The following PPP2R2B variants were observed in gnomAD, a reference collection of about 807,000 sequenced individuals.
The protein encoded by PPP2R2B is protein phosphatase 2 regulatory subunit Bbeta.
In PPP2R2B, 5 loss-of-function variants were observed where a neutral mutation model predicts 46.0. The observed-to-expected ratio is 0.11, with a 90% CI of 0.06 to 0.23. The LOEUF (loss-of-function observed/expected upper bound fraction) is 0.23, where lower values mean the gene tolerates loss of function less well. Among genes scored for constraint, PPP2R2B ranks in the 10% least tolerant of loss-of-function variants. The pLI is 1.00. For synonymous variants in PPP2R2B, 215 were observed against 206.7 expected (o/e 1.04, Z -0.34); for missense variants, 367 against 575.0 (o/e 0.64, Z 3.70).
intron 2 of PPP2R2B, among the ~76,000 whole-genome samples, chr5:147,065,975 C>T (rs1016679504): frequency 6.6e-5 from 10 of 152,086 alleles, no homozygotes; most frequent in African/African-American, 2.4e-4. Context: ...CTCAGAATAA[C>T]CTGATCAAGG....
At chr5:146,940,416 T>G (rs1384403088) in intron 1 of PPP2R2B, among the ~76,000 whole-genome samples, 1 of 152,042 alleles carries the variant, frequency 6.6e-6, no homozygotes, top group Non-Finnish European at 1.5e-5. Context: ...TTTGCTTTCA[T>G]TTTGGATTGT....
chr5:146,962,772 G>A (rs1005526236), intron 1 of PPP2R2B, among the ~76,000 whole-genome samples: 11 of 152,086 alleles, frequency 7.2e-5, no homozygotes, highest in East Asian at 5.8e-4. Context: ...CCTCAAGTTC[G>A]CTGCGGAACT....
intron 1 of PPP2R2B, among the ~76,000 whole-genome samples, chr5:146,949,859 C>G (rs1036842794): frequency 2.0e-5 from 3 of 152,006 alleles, no homozygotes; most frequent in Non-Finnish European, 4.4e-5. Context: ...TCATTTGCAA[C>G]AACATGGATG....
chr5:146,787,543 C>T (rs888692661), intron 2 of PPP2R2B, among the ~76,000 whole-genome samples: 7 of 151,808 alleles, frequency 4.6e-5, no homozygotes, highest in South Asian at 2.1e-4. Flanking sequence ...CCTCCCCTCT[C>T]GCCTCTCCCC....
intron 1 of PPP2R2B, among the ~76,000 whole-genome samples, chr5:147,022,556 C>T (rs1259712897): frequency 1.0e-5 from 1 of 97,788 alleles, no homozygotes; most frequent in Non-Finnish European, 2.4e-5. Flanking sequence ...AAGGCTCCAT[C>T]CAAAAAAAAA....
At chr5:146,719,431 G>C (rs1440564411) in intron 2 of PPP2R2B, among the ~76,000 whole-genome samples, 1 of 152,200 alleles carries the variant, frequency 6.6e-6, no homozygotes, top group Non-Finnish European at 1.5e-5. Context: ...GTGCCTTTGG[G>C]CAAGTTACTT....
At position 146,657,717 on chromosome 5, in the gene PPP2R2B, C is replaced by T. The variant is rs78247062; in HGVS notation, c.448-6993G>A. 5.1e-4 allele frequency among the ~76,000 whole-genome samples: 78 copies of T among 152,176 alleles called. No homozygotes were observed. The East Asian group carries it at 0.01, about 20-fold the overall frequency. On this transcript the variant is annotated intron_variant, in intron 5 of 9. Transcript: ENST00000394411. Reference sequence around the variant, plus strand: ...TTGCATGATACTTTTAATCAAGGCCCCATAGACGACCCCATCCCCAGCTCA... The same window carrying T: ...TTGCATGATACTTTTAATCAAGGCCTCATAGACGACCCCATCCCCAGCTCA...
At chr5:146,817,781 C>T (rs910459714) in intron 2 of PPP2R2B, among the ~76,000 whole-genome samples, 2 of 152,240 alleles carry the variant, frequency 1.3e-5, no homozygotes, top group Admixed American at 6.5e-5. Flanking sequence ...CATCTCTCAT[C>T]TAGGCTCAGT....
intron 5 of PPP2R2B, among the ~76,000 whole-genome samples, chr5:146,684,976 TTA>T (rs564431055): frequency 3.3e-5 from 5 of 152,206 alleles, no homozygotes; most frequent in Non-Finnish European, 7.3e-5. Flanking sequence ...TGAATTCATT[TTA>T]TGTTTCAGCC....
chr5:146,672,577 T>C (rs1225462896), intron 5 of PPP2R2B, among the ~76,000 whole-genome samples: 2 of 152,132 alleles, frequency 1.3e-5, no homozygotes, highest in Admixed American at 1.3e-4. Flanking sequence ...AGATTAAAGT[T>C]ACATTATCTA....
At chr5:147,054,492 A>C (rs996255975) in intron 1 of PPP2R2B, 2 of 361,006 alleles carry the variant, frequency 5.5e-6, no homozygotes, top group South Asian at 2.1e-5. Context: ...TGTAAAAAAA[A>C]AGTCCATGAG....
chr5:146,912,800 C>T (rs2151807208), intron 1 of PPP2R2B, among the ~76,000 whole-genome samples: 1 of 152,258 alleles, frequency 6.6e-6, no homozygotes, highest in Non-Finnish European at 1.5e-5. Flanking sequence ...AGCCACCGCA[C>T]CCGGCCTCTT....
At chr5:146,677,662 G>A (rs1020938350) in intron 5 of PPP2R2B, among the ~76,000 whole-genome samples, 1 of 151,664 alleles carries the variant, frequency 6.6e-6, no homozygotes, top group Non-Finnish European at 1.5e-5. Flanking sequence ...CAAGTAGTTG[G>A]GACTGCAAGT....
chr5:146,685,390 C>T (rs1334703457), intron 5 of PPP2R2B, among the ~76,000 whole-genome samples: 5 of 152,214 alleles, frequency 3.3e-5, no homozygotes, highest in Admixed American at 3.3e-4. Flanking sequence ...ACAACTGCGC[C>T]CCAAGCCTGT....
In PPP2R2B at chr5:146,909,060, A is replaced by G. The variant is rs189968608; in HGVS notation, c.79+146605T>C. Among the ~76,000 whole-genome samples the G allele has an allele frequency of 5.2e-4, 79 of 152,354 alleles. 1 individual carries two copies. Among genetic ancestry groups the G allele is most frequent in the African/African-American group, 1.8e-3 (73 of 41,588 alleles). On this transcript the variant is annotated intron_variant, in intron 1 of 8. Transcript: ENST00000336640. ...AGCAGATGGTCCATGGAGAAGTAAT[A>G]GTGGGAGAAGATTTCCCCTGCAGCT...
At chr5:146,624,998 A>G (rs1281642225) in intron 7 of PPP2R2B, among the ~76,000 whole-genome samples, 1 of 152,186 alleles carries the variant, frequency 6.6e-6, no homozygotes, top group Non-Finnish European at 1.5e-5. Context: ...TTCTCCTTCA[A>G]TAAAGTGCTG....
chr5:146,595,834 AC>A (rs1296525592), intron 8 of PPP2R2B, among the ~76,000 whole-genome samples: 1 of 152,184 alleles, frequency 6.6e-6, no homozygotes, highest in Non-Finnish European at 1.5e-5. Context: ...TCCTAGTATG[AC>A]TTTTCTATGA....
intron 7 of PPP2R2B, 152 bp from the exon 8 acceptor site, chr5:146,600,612 C>T: frequency 2.7e-6 from 2 of 749,166 alleles, no homozygotes; most frequent in Non-Finnish European, 4.2e-6. Context: ...GAACTGTCAT[C>T]TCTCTGGTAG....
chr5:146,867,064 A>G (rs1199718000), intron 2 of PPP2R2B, among the ~76,000 whole-genome samples: 1 of 152,206 alleles, frequency 6.6e-6, no homozygotes, highest in African/African-American at 2.4e-5. Context: ...AATATCATGA[A>G]AGGTAATGAG....
Sources: allele counts gnomAD v4.1 joint callset (sites outside exome capture counted in the v4.1 genomes callset), GRCh38; gene constraint gnomAD v4.1.1; transcripts MANE v1.5; gene names NCBI Gene and HGNC (gene_info 2026-07-23, HGNC 2026-07-21).